The following KIF18B variants were observed in gnomAD, a reference collection of about 807,000 sequenced individuals.
KIF18B encodes kinesin family member 18B.
In KIF18B, 49 loss-of-function variants were observed where a neutral mutation model predicts 80.9. The ratio of observed to expected loss-of-function variants is 0.61; its 90% CI spans 0.48 to 0.77. The LOEUF (loss-of-function observed/expected upper bound fraction) is 0.77, where lower values mean the gene tolerates loss of function less well. Ranked by LOEUF, KIF18B falls within the 30% of genes least tolerant of loss-of-function variation. The pLI is 0.00. For missense variants in KIF18B, 994 were observed against 1,127.7 expected (o/e 0.88, Z 1.70); for synonymous variants, 439 against 463.9 (o/e 0.95, Z 0.69).
intron 1 of KIF18B, among the ~76,000 whole-genome samples, chr17:44,939,244 G>A (rs532709663): frequency 5.3e-5 from 8 of 150,662 alleles, no homozygotes; most frequent in South Asian, 2.1e-4. Flanking sequence ...GGTGGCGGGC[G>A]CCTGTAATCG....
chr17:44,926,643 A>C, intron 14 of KIF18B, 144 bp from the exon 15 acceptor site: 1 of 804,688 alleles, frequency 1.2e-6, no homozygotes, highest in Non-Finnish European at 1.9e-6. Context: ...CCAGAGCTGG[A>C]TCTAAGGGTG....
chr17:44,931,991 T>A, intron 10 of KIF18B, 65 bp downstream of exon 10: 1 of 1,527,038 alleles, frequency 6.5e-7, no homozygotes, highest in South Asian at 1.3e-5. Context: ...GGAGAGGCAA[T>A]TTTTCCAATA....
At chr17:44,935,066 G>C in intron 3 of KIF18B, 131 bp from the exon 4 acceptor site, 3 of 872,528 alleles carry the variant, frequency 3.4e-6, no homozygotes, top group South Asian at 3.5e-5. Context: ...TCCCAGGACT[G>C]TGTTACATGA....
rs1466853767 is a variant in KIF18B, at chr17:44,925,920, G to A, written c.*160C>T. 2 of 689,234 alleles carry A rather than the reference G, an allele frequency of 2.9e-6. No individual in the cohort carries two copies. Among genetic ancestry groups the A allele is most frequent in the African/African-American group, 3.6e-5 (2 of 55,582 alleles). 42.7% of individuals were successfully genotyped at this position (689,234 alleles called of 1,614,324 possible). ...AGGGTGAGTAGCAGGATGGATGTCT[G>A]GGGAGGGATGTTAATACAGCAAAGG... On this transcript the variant is annotated 3_prime_UTR_variant, in exon 16 of 16. Coordinates refer to ENST00000593135, the MANE Select transcript of KIF18B (RefSeq NM_001265577.2).
chr17:44,932,809 G>A, intron 8 of KIF18B, 36 bp from the exon 9 acceptor site: 1 of 1,590,894 alleles, frequency 6.3e-7, no homozygotes, highest in East Asian at 2.2e-5. Flanking sequence ...GAGAGCCCCA[G>A]CTAAGCACAG....
At chr17:44,932,518 G>A (rs744281) in intron 9 of KIF18B, 155 bp downstream of exon 9, 256,257 of 622,682 alleles carry the variant, frequency 0.41, 53,186 homozygotes, top group African/African-American at 0.49. Flanking sequence ...CTAGGTGACA[G>A]TCAGTTGCTG....
chr17:44,932,013 C>A, intron 10 of KIF18B, 43 bp downstream of exon 10: 1 of 1,572,940 alleles, frequency 6.4e-7, no homozygotes, highest in Non-Finnish European at 8.6e-7. Flanking sequence ...CCCACCAGCT[C>A]CAAGCCCTCC....
chr17:44,926,528 G>A (rs1464989260), intron 14 of KIF18B, 29 bp from the exon 15 acceptor site: 10 of 1,554,294 alleles, frequency 6.4e-6, no homozygotes, highest in Non-Finnish European at 7.8e-6. Flanking sequence ...GAAGGTGGAA[G>A]GTTACGGCCC....
intron 1 of KIF18B, among the ~76,000 whole-genome samples, chr17:44,943,469 CTTATT>C (rs2052457351): frequency 6.6e-6 from 1 of 152,040 alleles, no homozygotes; most frequent in Non-Finnish European, 1.5e-5. Flanking sequence ...TCTTTCTAAT[CTTATT>C]TTATTTTTAT....
intron 12 of KIF18B, 68 bp downstream of exon 12, chr17:44,928,751 C>G: frequency 1.3e-6 from 2 of 1,528,050 alleles, no homozygotes; most frequent in East Asian, 2.4e-5. Flanking sequence ...CTGGACACCC[C>G]TTGGCCCCAG....
chr17:44,936,023 G>A lies in KIF18B; in HGVS notation c.313+9C>T. On this transcript the variant is annotated intron_variant, in intron 2 of 15. Transcript: ENST00000593135. ...CCAGGCCACTGCCAGGCAGGGCTGAGGTTCTCACCTGAGCAGTTGTAGCCC... is the reference window on the plus strand; with the variant it reads ...CCAGGCCACTGCCAGGCAGGGCTGAAGTTCTCACCTGAGCAGTTGTAGCCC... 6.2e-7 allele frequency: 1 copy of A among 1,612,710 alleles called. No individual in the cohort carries two copies.
rs533415241 is a variant in KIF18B, at chr17:44,928,626, G to A, written c.1724-48C>T. 1.8e-5 allele frequency: 26 copies of A among 1,439,080 alleles called. No individual in the cohort carries two copies. The South Asian group carries it at 3.6e-4, about 20-fold the overall frequency. The allele number at this position is 1,439,080 out of a possible 1,614,324, so 89.1% of individuals were successfully genotyped here. A position where few individuals can be genotyped will look rare whatever the true frequency, so the allele number is the denominator to read the frequency against. On this transcript the variant is annotated intron_variant, in intron 12 of 15. Coordinates refer to ENST00000593135, the MANE Select transcript of KIF18B (RefSeq NM_001265577.2). ...TGTAGAACTTGGGGAGCCAGACACTGGAGACATGAAGGAGCCCATAACCCC... is the reference window on the plus strand; with the variant it reads ...TGTAGAACTTGGGGAGCCAGACACTAGAGACATGAAGGAGCCCATAACCCC...
chr17:44,931,872 A>AAGGATCTG (rs1259307261), intron 10 of KIF18B, 143 bp from the exon 11 acceptor site: 1 of 1,240,616 alleles, frequency 8.1e-7, no homozygotes, highest in Admixed American at 2.4e-5. Flanking sequence ...CCAAACACAC[A>AAGGATCTG]AGGATCTGAT....
At chr17:44,945,656 G>C (rs148990799) in intron 1 of KIF18B, among the ~76,000 whole-genome samples, 3 of 152,008 alleles carry the variant, frequency 2.0e-5, no homozygotes, top group African/African-American at 7.2e-5. Flanking sequence ...TGTAATCTCA[G>C]TACTTTGGGA....
At chr17:44,945,210 C>T (rs565267079) in intron 1 of KIF18B, among the ~76,000 whole-genome samples, 121 of 152,294 alleles carry the variant, frequency 7.9e-4, no homozygotes, top group Non-Finnish European at 1.3e-3. Flanking sequence ...CACAGGCACA[C>T]GCCACCACAC....
chr17:44,930,317 A>G (rs924068503), intron 11 of KIF18B, among the ~76,000 whole-genome samples: 1 of 152,260 alleles, frequency 6.6e-6, no homozygotes, highest in African/African-American at 2.4e-5. Context: ...GAGCTGGTCT[A>G]AATCTGGAGT....
Position 44,932,192 on chromosome 17 carries a change from G to C in KIF18B, c.1253C>G (p.Pro418Arg), listed in dbSNP as rs1306698552. Residue 418 changes from proline to arginine, a missense_variant, in exon 10 of 16, where the codon CCA (proline) becomes CGA (arginine). Coordinates refer to ENST00000593135, the MANE Select transcript of KIF18B (RefSeq NM_001265577.2). Reference protein sequence around the residue: ...GPPPEHQPCTPELPAGPRALQ... With the variant: ...GPPPEHQPCTRELPAGPRALQ... ...GGCTCTAGGCCCTGCAGGGAGCTCT[G>C]GGGTGCAGGGCTGGCTGGGAGGGTG... The C allele has an allele frequency of 3.1e-6, 5 of 1,607,626 alleles. No individual in the cohort carries two copies. In the East Asian group the frequency reaches 6.7e-5, roughly 22 times the overall value.
At chr17:44,939,906 A>G (rs1048303215) in intron 1 of KIF18B, among the ~76,000 whole-genome samples, 1 of 151,908 alleles carries the variant, frequency 6.6e-6, no homozygotes, top group African/African-American at 2.4e-5. Flanking sequence ...TCCGCCTCCC[A>G]GGTTCTCTTG....
chr17:44,935,158 C>T, intron 3 of KIF18B, 101 bp downstream of exon 3: 1 of 1,277,182 alleles, frequency 7.8e-7, no homozygotes, highest in Non-Finnish European at 1.1e-6. Flanking sequence ...TGCCAGCTCT[C>T]CATTTCCTGC....
Sources: gnomAD v4.1 joint callset for allele counts (sites outside exome capture counted in the v4.1 genomes callset) on GRCh38, gnomAD v4.1.1 for gene constraint, MANE v1.5 for transcripts, NCBI Gene and HGNC (gene_info 2026-07-23, HGNC 2026-07-21) for gene names.